MGMT: variants seen among roughly 807,000 people sequenced by gnomAD.
MGMT encodes methylated-DNA--protein-cysteine methyltransferase.
A neutral mutation model predicts 15.9 loss-of-function variants in MGMT; 14 were observed. The observed-to-expected ratio is 0.88, with a 90% CI of 0.58 to 1.37. The LOEUF (loss-of-function observed/expected upper bound fraction) is 1.37. MGMT is among the 40% of genes most tolerant of loss of function. The probability of loss-of-function intolerance (pLI) is 0.00; values close to 1 mark genes in which losing one functional copy is unlikely to be tolerated. For synonymous variants in MGMT, 130 were observed against 118.2 expected, an observed-to-expected ratio of 1.10 and a Z score of -0.65; for missense variants, 282 against 268.1, an observed-to-expected ratio of 1.05 and a Z score of -0.36.
At chr10:129,719,560 C>T (rs558809606) in intron 3 of MGMT, among the ~76,000 whole-genome samples, 6 of 152,232 alleles carry the variant, frequency 3.9e-5, no homozygotes, top group Admixed American at 2.6e-4. Context: ...CTGCAGATGG[C>T]CGTCTCCTTG....
intron 2 of MGMT, among the ~76,000 whole-genome samples, chr10:129,594,675 A>G (rs1846729587): frequency 6.6e-6 from 1 of 152,214 alleles, no homozygotes. Context: ...ACGAACAGTA[A>G]CACCCCCAAA....
intron 2 of MGMT, among the ~76,000 whole-genome samples, chr10:129,599,484 C>G (rs578099873): frequency 6.6e-6 from 1 of 152,208 alleles, no homozygotes; most frequent in Admixed American, 6.5e-5. Flanking sequence ...TCTTGTCTTG[C>G]GCATTTATCA....
intron 2 of MGMT, among the ~76,000 whole-genome samples, chr10:129,593,724 G>T: frequency 6.6e-6 from 1 of 152,262 alleles, no homozygotes; most frequent in Non-Finnish European, 1.5e-5. Context: ...GGGAAAGTAC[G>T]CCACAGACAC....
At chr10:129,522,363 G>A (rs1034442909) in intron 1 of MGMT, among the ~76,000 whole-genome samples, 1 of 152,222 alleles carries the variant, frequency 6.6e-6, no homozygotes, top group African/African-American at 2.4e-5. Context: ...GTGCCTGTAG[G>A]CTTTGCAGAA....
intron 2 of MGMT, among the ~76,000 whole-genome samples, chr10:129,576,653 C>G (rs1399158721): frequency 6.6e-6 from 1 of 152,180 alleles, no homozygotes. Context: ...TTTCACCACT[C>G]CTATTCAACA....
rs566051349 is a variant in MGMT, at chr10:129,657,432, C to G, written c.126-50463C>G. Among the ~76,000 whole-genome samples, 3 of 151,374 alleles carry G rather than the reference C, an allele frequency of 2.0e-5. No individual in the cohort carries two copies. In the South Asian group the frequency reaches 6.3e-4, roughly 32 times the overall value. ...GTGGGGGGGGGAGCAACAAACAAAA[C>G]AGATAAACCCTGCCCTGAGGCGCCC... On this transcript the variant is annotated intron_variant, in intron 2 of 4. Coordinates refer to ENST00000651593, the MANE Select transcript of MGMT (RefSeq NM_002412.5).
chr10:129,530,533 G>A (rs757065454), intron 1 of MGMT, among the ~76,000 whole-genome samples: 12 of 152,130 alleles, frequency 7.9e-5, no homozygotes, highest in East Asian at 1.9e-4. Flanking sequence ...TTTGTTTCCC[G>A]TTATTTTGTC....
intron 1 of MGMT, among the ~76,000 whole-genome samples, chr10:129,530,653 G>C (rs932477672): frequency 6.6e-6 from 1 of 152,206 alleles, no homozygotes; most frequent in Non-Finnish European, 1.5e-5. Context: ...AGGGAGCCTC[G>C]AAATGCAAAC....
intron 1 of MGMT, among the ~76,000 whole-genome samples, chr10:129,473,665 C>T (rs1401625065): frequency 6.6e-6 from 1 of 151,712 alleles, no homozygotes; most frequent in African/African-American, 2.4e-5. Flanking sequence ...TAAACAGACA[C>T]AGACCTGTTT....
At chr10:129,630,596 AGTGT>A (rs1037713265) in intron 2 of MGMT, among the ~76,000 whole-genome samples, 7 of 152,138 alleles carry the variant, frequency 4.6e-5, no homozygotes, top group Non-Finnish European at 7.4e-5. Flanking sequence ...TTACTTTGTT[AGTGT>A]GTGTGAGACT....
At chr10:129,548,106 A>G (rs1219912916) in intron 2 of MGMT, among the ~76,000 whole-genome samples, 3 of 152,244 alleles carry the variant, frequency 2.0e-5, no homozygotes, top group Non-Finnish European at 4.4e-5. Flanking sequence ...GGTTGCAATT[A>G]TAAGGACAAA....
chr10:129,505,949 A>AT (rs36090834), intron 1 of MGMT, among the ~76,000 whole-genome samples: 16,510 of 151,148 alleles, frequency 0.11, 1,047 homozygotes, highest in African/African-American at 0.17. Context: ...GGCTTTGTGA[A>AT]TTGCTCAGAT....
chr10:129,712,465 G>C (rs1848243529), intron 3 of MGMT, among the ~76,000 whole-genome samples: 1 of 152,162 alleles, frequency 6.6e-6, no homozygotes, highest in African/African-American at 2.4e-5. Flanking sequence ...GTAGAAGTAA[G>C]TTTTTGTAAC....
At chr10:129,712,002 A>G (rs1319772848) in intron 3 of MGMT, among the ~76,000 whole-genome samples, 7 of 152,228 alleles carry the variant, frequency 4.6e-5, no homozygotes, top group Admixed American at 1.3e-4. Context: ...TCAGCAGCCA[A>G]TGCAGCTACA....
At chr10:129,516,861 A>C (rs1376812123) in intron 1 of MGMT, among the ~76,000 whole-genome samples, 1 of 152,160 alleles carries the variant, frequency 6.6e-6, no homozygotes, top group African/African-American at 2.4e-5. Context: ...TGTTATGTGC[A>C]CTCATAGCAG....
chr10:129,627,154 A>T (rs1847159139), intron 2 of MGMT, among the ~76,000 whole-genome samples: 1 of 152,206 alleles, frequency 6.6e-6, no homozygotes, highest in South Asian at 2.1e-4. Flanking sequence ...TGAAAGTGAG[A>T]TATCAAAGGA....
chr10:129,482,893 T>A lies in MGMT; in HGVS notation c.-13+15597T>A, dbSNP rs144817785. ...GAGTATTTAGACCATTTACATTTAATGTAATTATTAATATGGTTGGGTTTA... is the reference window on the plus strand; with the variant it reads ...GAGTATTTAGACCATTTACATTTAAAGTAATTATTAATATGGTTGGGTTTA... On this transcript the variant is annotated intron_variant, in intron 1 of 4. Transcript: ENST00000651593. Among the ~76,000 whole-genome samples the A allele has an allele frequency of 5.3e-3, 808 of 152,342 alleles. 7 individuals carry two copies. The highest frequency in any genetic ancestry group is 0.018 in the African/African-American group (758 of 41,586).
intron 2 of MGMT, among the ~76,000 whole-genome samples, chr10:129,689,258 C>A (rs765381929): frequency 2.6e-5 from 4 of 152,176 alleles, no homozygotes; most frequent in Non-Finnish European, 5.9e-5. Flanking sequence ...TTACAATATT[C>A]AACAGTCAGT....
At chr10:129,536,539 T>G in intron 2 of MGMT, 162 bp downstream of exon 2, 1 of 837,996 alleles carries the variant, frequency 1.2e-6, no homozygotes, top group African/African-American at 1.7e-5. Flanking sequence ...CTGCGACGGC[T>G]CCTGCATTTG....
Sources: gnomAD v4.1 joint callset for allele counts (sites outside exome capture counted in the v4.1 genomes callset) on GRCh38, gnomAD v4.1.1 for gene constraint, MANE v1.5 for transcripts, NCBI Gene and HGNC (gene_info 2026-07-23, HGNC 2026-07-21) for gene names.